Variants in PWWP2A observed in about 807,000 individuals in gnomAD.
PWWP2A encodes PWWP domain containing 2A, also known as PWWP domain-containing protein 2A.
A neutral mutation model predicts 48.5 loss-of-function variants in PWWP2A; 18 were observed. That is an observed-to-expected ratio of 0.37 (90% CI 0.26 to 0.55). The LOEUF (loss-of-function observed/expected upper bound fraction) is 0.55, where lower values mean the gene tolerates loss of function less well. Among genes scored for constraint, PWWP2A ranks in the 20% least tolerant of loss-of-function variants. The probability of loss-of-function intolerance (pLI) is 0.81; values close to 1 mark genes in which losing one functional copy is unlikely to be tolerated. For missense variants in PWWP2A, 867 were observed against 976.4 expected (o/e 0.89, Z 1.49); for synonymous variants, 396 against 387.7 (o/e 1.02, Z -0.25).
In PWWP2A at chr5:160,093,135, C is replaced by CT; in HGVS notation, c.1514dup (p.Pro506AlafsTer13). On this transcript the variant is annotated frameshift_variant, in exon 2 of 2. Coordinates refer to ENST00000307063, the MANE Select transcript of PWWP2A (RefSeq NM_001130864.2). LOFTEE classifies it high-confidence loss of function. This position sits in a 1 kb window ranked among gnomAD's most constrained non-coding sequence, Gnocchi z 5.8. ...GGGTAGAGGTGCAGCGAGACTGGGGCTTGGGTGCCATCTTGCCACTCCGCA... is the reference window on the plus strand; with the variant it reads ...GGGTAGAGGTGCAGCGAGACTGGGGCTTTGGGTGCCATCTTGCCACTCCGCA... 1 of 1,613,896 alleles carries CT rather than the reference C, an allele frequency of 6.2e-7. No homozygotes were observed. The highest frequency in any genetic ancestry group is 8.5e-7 in the Non-Finnish European group (1 of 1,179,866).
At chr5:160,047,478 A>G in the PWWP2A span, among the ~76,000 whole-genome samples, 1 of 152,228 alleles carries the variant, frequency 6.6e-6, no homozygotes, top group African/African-American at 2.4e-5. Context: ...AGACCAAGCC[A>G]ACATCTTCTC....
At chr5:160,118,647 G>T (rs982995554) in intron 1 of PWWP2A, among the ~76,000 whole-genome samples, 158 bp downstream of exon 1, 6 of 145,842 alleles carry the variant, frequency 4.1e-5, no homozygotes, top group Non-Finnish European at 9.3e-5. Flanking sequence ...GGTCTCGCGC[G>T]CCTGCCCCAC....
the PWWP2A span, among the ~76,000 whole-genome samples, chr5:160,052,168 C>CA: frequency 0.072 from 10,922 of 152,032 alleles, 472 homozygotes; most frequent in East Asian, 0.12. Flanking sequence ...CCAGATTTTC[C>CA]AAAAAAGGGA....
downstream of PWWP2A, chr5:160,089,593 C>T (rs917806009): frequency 3.1e-6 from 4 of 1,288,576 alleles, no homozygotes; most frequent in Non-Finnish European, 3.0e-6. Context: ...GATTAGTCAG[C>T]TTCCTGGTCT....
At chr5:160,049,425 G>T in the PWWP2A span, 1 of 1,227,486 alleles carries the variant, frequency 8.1e-7, no homozygotes, top group Non-Finnish European at 1.1e-6. Flanking sequence ...TCGTATCCTT[G>T]GAGGATGATT....
chr5:160,091,537 TATA>T lies in PWWP2A; in HGVS notation c.*842_*844del, dbSNP rs1201495372. ...CACATATGACAATTAATTCACAAAGTATAATTTTACTGGGACATATCCTAAGAA... is the reference window on the plus strand; with the variant it reads ...CACATATGACAATTAATTCACAAAGTATTTTACTGGGACATATCCTAAGAA... On this transcript the variant is annotated 3_prime_UTR_variant, in exon 2 of 2. Transcript: ENST00000307063. 2.0e-6 allele frequency: 2 copies of T among 984,292 alleles called. No individual in the cohort carries two copies. The highest frequency in any genetic ancestry group is 3.5e-5 in the African/African-American group (2 of 57,218). 61.0% of individuals were successfully genotyped at this position (984,292 alleles called of 1,614,324 possible). A position where few individuals can be genotyped will look rare whatever the true frequency, so the allele number is the denominator to read the frequency against.
At chr5:160,109,920 G>C (rs1191126280) in intron 1 of PWWP2A, among the ~76,000 whole-genome samples, 1 of 146,844 alleles carries the variant, frequency 6.8e-6, no homozygotes, top group Non-Finnish European at 1.5e-5. Flanking sequence ...CAGAACTACA[G>C]ATGAAAAGGA....
the PWWP2A span, chr5:160,051,018 T>C: frequency 1.2e-6 from 1 of 815,970 alleles, no homozygotes; most frequent in African/African-American, 1.7e-5. Flanking sequence ...CATACTTAAC[T>C]TGATCTTATT....
chr5:160,059,020 C>T (rs1374775026), downstream of PWWP2A, among the ~76,000 whole-genome samples: 1 of 152,180 alleles, frequency 6.6e-6, no homozygotes, highest in Admixed American at 6.5e-5. Context: ...TAGCATCATT[C>T]TTAAGGGCCC....
chr5:160,108,035 A>G (rs748724255), intron 1 of PWWP2A, among the ~76,000 whole-genome samples: 15 of 152,182 alleles, frequency 9.9e-5, no homozygotes, highest in Non-Finnish European at 2.1e-4. Context: ...AAGTCCAATA[A>G]AACATGCCTA....
At chr5:160,082,847 C>T (rs567154432) in intron 2 of PWWP2A, among the ~76,000 whole-genome samples, 1 of 152,144 alleles carries the variant, frequency 6.6e-6, no homozygotes, top group Non-Finnish European at 1.5e-5. Flanking sequence ...TCGGAAATTA[C>T]TTATTTTGTC....
the PWWP2A span, among the ~76,000 whole-genome samples, chr5:160,052,532 T>C: frequency 8.2e-6 from 1 of 122,350 alleles, no homozygotes; most frequent in Non-Finnish European, 1.6e-5. Context: ...TTACTAACAA[T>C]GATGCTCTAT....
intron 1 of PWWP2A, among the ~76,000 whole-genome samples, chr5:160,097,708 G>GT (rs892707877): frequency 3.3e-5 from 4 of 119,810 alleles, no homozygotes; most frequent in African/African-American, 8.0e-5. Context: ...TTTTTTTTTG[G>GT]GGGGGGGGGC....
chr5:160,116,648 A>G lies in PWWP2A; in HGVS notation c.584+2157T>C, dbSNP rs976819339. ...AATTTTTTAAAAATAAAGCACTAAC[A>G]CAATGAGCACTTATCCATTCCATTT... On this transcript the variant is annotated intron_variant, in intron 1 of 1. Coordinates refer to ENST00000307063, the MANE Select transcript of PWWP2A (RefSeq NM_001130864.2). The G allele has an allele frequency of 7.2e-5, 71 of 984,908 alleles. No homozygotes were observed. In the Middle Eastern group the frequency reaches 2.1e-3, roughly 29 times the overall value. 61.0% of individuals were successfully genotyped at this position (984,908 alleles called of 1,614,324 possible). A position where few individuals can be genotyped will look rare whatever the true frequency, so the allele number is the denominator to read the frequency against.
chr5:160,052,222 A>G, the PWWP2A span, among the ~76,000 whole-genome samples: 3 of 152,150 alleles, frequency 2.0e-5, no homozygotes, highest in Non-Finnish European at 4.4e-5. Flanking sequence ...ATTTAATTAA[A>G]CTTGGCCAGG....
chr5:160,073,257 C>G (rs1158016554), downstream of PWWP2A, among the ~76,000 whole-genome samples: 1 of 148,926 alleles, frequency 6.7e-6, no homozygotes. Context: ...GAGACGGAGT[C>G]TCACTTTGTT....
intron 1 of PWWP2A, among the ~76,000 whole-genome samples, chr5:160,105,277 G>A (rs1400264590): frequency 2.0e-5 from 3 of 149,622 alleles, no homozygotes; most frequent in South Asian, 2.1e-4. Flanking sequence ...GGCTGGGCGC[G>A]GTGGCTCACA....
intron 1 of PWWP2A, among the ~76,000 whole-genome samples, chr5:160,096,982 C>G (rs1392974681): frequency 6.6e-6 from 1 of 152,106 alleles, no homozygotes; most frequent in Non-Finnish European, 1.5e-5. Flanking sequence ...AGCCATTTTC[C>G]TTGGTTAATA....
intron 1 of PWWP2A, chr5:160,116,777 CAG>C: frequency 5.1e-6 from 5 of 985,322 alleles, no homozygotes; most frequent in Non-Finnish European, 6.0e-6. Context: ...GCATACACAC[CAG>C]AGTGTCTCTT....
Sources: allele counts gnomAD v4.1 joint callset (sites outside exome capture counted in the v4.1 genomes callset), GRCh38; gene constraint gnomAD v4.1.1; non-coding constraint Gnocchi (gnomAD v3.1); transcripts MANE v1.5; gene names NCBI Gene and HGNC (gene_info 2026-07-23, HGNC 2026-07-21).